FAM184B: variants seen among roughly 807,000 people sequenced by gnomAD.
The protein encoded by FAM184B is protein FAM184B.
A neutral mutation model predicts 135.9 loss-of-function variants in FAM184B; 111 were observed. That is an observed-to-expected ratio of 0.82 (90% CI 0.70 to 0.96). The LOEUF (loss-of-function observed/expected upper bound fraction) is 0.96, where lower values mean the gene tolerates loss of function less well. FAM184B is among the 40% of genes least tolerant of loss of function. The pLI is 0.00. For missense variants in FAM184B, 1,375 were observed against 1,323.9 expected (o/e 1.04, Z -0.60); for synonymous variants, 552 against 524.8 (o/e 1.05, Z -0.71).
intron 1 of FAM184B, 41 bp from the exon 2 acceptor site, chr4:17,709,685 T>G (rs1362027532): frequency 4.1e-6 from 6 of 1,448,496 alleles, no homozygotes; most frequent in Admixed American, 2.7e-5. Flanking sequence ...GTGAGGGGGC[T>G]GGGGTGTGGG....
At chr4:17,763,920 A>G (rs1259869915) in intron 1 of FAM184B, among the ~76,000 whole-genome samples, 1 of 152,126 alleles carries the variant, frequency 6.6e-6, no homozygotes, top group Non-Finnish European at 1.5e-5. Context: ...TTTTGGATCT[A>G]GCTTGGCCTT....
At chr4:17,768,379 A>G (rs2108996309) in intron 1 of FAM184B, among the ~76,000 whole-genome samples, 1 of 152,210 alleles carries the variant, frequency 6.6e-6, no homozygotes, top group African/African-American at 2.4e-5. Context: ...AGTTCAAGCA[A>G]TTCTCCTGCT....
At chr4:17,696,705 C>T (rs1716871718) in intron 5 of FAM184B, among the ~76,000 whole-genome samples, 1 of 151,982 alleles carries the variant, frequency 6.6e-6, no homozygotes, top group South Asian at 2.1e-4. Flanking sequence ...CTTAGCTACT[C>T]AGGGGGCCGA....
intron 3 of FAM184B, among the ~76,000 whole-genome samples, chr4:17,706,869 T>C (rs1304189762): frequency 6.6e-6 from 1 of 152,032 alleles, no homozygotes; most frequent in African/African-American, 2.4e-5. Context: ...CACTGCAACC[T>C]CTGCCTCCAG....
chr4:17,762,010 G>C (rs1718558153), intron 1 of FAM184B, among the ~76,000 whole-genome samples: 1 of 148,232 alleles, frequency 6.7e-6, no homozygotes, highest in African/African-American at 2.7e-5. Flanking sequence ...GCAATCCCCA[G>C]GGCTCTTCAT....
At chr4:17,742,975 T>A (rs1197015286) in intron 1 of FAM184B, among the ~76,000 whole-genome samples, 1 of 152,204 alleles carries the variant, frequency 6.6e-6, no homozygotes, top group Non-Finnish European at 1.5e-5. Context: ...GGAGCTGCTG[T>A]GGAGCCCCAC....
intron 1 of FAM184B, among the ~76,000 whole-genome samples, chr4:17,733,031 C>T (rs1717822973): frequency 1.3e-5 from 2 of 152,150 alleles, no homozygotes; most frequent in Admixed American, 6.5e-5. Context: ...GCTGGTTCAA[C>T]ATATGCAAAT....
chr4:17,636,188 C>CT (rs1657510071), intron 15 of FAM184B, among the ~76,000 whole-genome samples: 1 of 152,154 alleles, frequency 6.6e-6, no homozygotes, highest in African/African-American at 2.4e-5. Context: ...TCACTGCAAC[C>CT]TCTGTCTCTC....
chr4:17,725,030 G>A (rs555216310), intron 1 of FAM184B, among the ~76,000 whole-genome samples: 1 of 152,254 alleles, frequency 6.6e-6, no homozygotes, highest in Admixed American at 6.5e-5. Flanking sequence ...TGAGGGTAGG[G>A]CCTGGTCTCT....
intron 1 of FAM184B, among the ~76,000 whole-genome samples, chr4:17,713,935 G>A (rs192574568): frequency 9.2e-5 from 14 of 152,256 alleles, no homozygotes; most frequent in Admixed American, 7.8e-4. Context: ...TACTACGAGA[G>A]GATTTGTCAC....
chr4:17,781,471 G>GGCCCACCCGCGC lies in FAM184B; in HGVS notation c.-184_-173dup, dbSNP rs1577301098. 56 of 773,544 alleles carry GGCCCACCCGCGC rather than the reference G, an allele frequency of 7.2e-5. No individual in the cohort carries two copies. The East Asian group carries it at 1.9e-3, about 26-fold the overall frequency. 47.9% of individuals were successfully genotyped at this position (773,544 alleles called of 1,614,324 possible). A position where few individuals can be genotyped will look rare whatever the true frequency, so the allele number is the denominator to read the frequency against. On this transcript the variant is annotated 5_prime_UTR_variant, in exon 1 of 18. Transcript: ENST00000265018. This position sits in a 1 kb window ranked among gnomAD's most constrained non-coding sequence, Gnocchi z 6.5. ...GCTTCCCGAAGGTCTCCGCCTCCCG[G>GGCCCACCCGCGC]GCCCACCCGCGCGCCCACCCTTTTT...
At chr4:17,748,772 C>G (rs994360108) in intron 1 of FAM184B, among the ~76,000 whole-genome samples, 2 of 152,018 alleles carry the variant, frequency 1.3e-5, no homozygotes, top group African/African-American at 4.8e-5. Context: ...CTGCCTTGGC[C>G]TCCCAAAGTG....
intron 1 of FAM184B, among the ~76,000 whole-genome samples, chr4:17,723,840 G>A (rs1306127039): frequency 6.6e-6 from 1 of 152,144 alleles, no homozygotes; most frequent in Non-Finnish European, 1.5e-5. Flanking sequence ...TCGAATTCAA[G>A]AGCTCATTTC....
chr4:17,740,050 C>G (rs1717997207), intron 1 of FAM184B, among the ~76,000 whole-genome samples: 1 of 152,008 alleles, frequency 6.6e-6, no homozygotes, highest in Non-Finnish European at 1.5e-5. Flanking sequence ...AAAACAGGCA[C>G]TCATAAAAAA....
chr4:17,720,374 C>T (rs1242478555), intron 1 of FAM184B, among the ~76,000 whole-genome samples: 1 of 152,106 alleles, frequency 6.6e-6, no homozygotes, highest in Non-Finnish European at 1.5e-5. Flanking sequence ...ATTTTAGAAT[C>T]AACAAATAAG....
intron 8 of FAM184B, among the ~76,000 whole-genome samples, chr4:17,663,026 T>A (rs917629729): frequency 1.3e-5 from 2 of 152,110 alleles, no homozygotes; most frequent in Non-Finnish European, 1.5e-5. Context: ...GCCTCAACCT[T>A]CCAGGCTCAA....
chr4:17,775,178 TTTTAA>T lies in FAM184B; in HGVS notation c.141+5976_141+5980del, dbSNP rs370525196. ...TGCCCAGCTAATTTTTGTATTTTAA[TTTTAA>T]TTTAATTTAATTTTATTTTTGAAAT... On this transcript the variant is annotated intron_variant, in intron 1 of 17. Transcript: ENST00000265018. Among the ~76,000 whole-genome samples the T allele has an allele frequency of 2.0e-4, 30 of 151,352 alleles. No homozygotes were observed. The East Asian group carries it at 4.5e-3, about 23-fold the overall frequency.
chr4:17,757,979 T>A (rs1472820595), intron 1 of FAM184B, among the ~76,000 whole-genome samples: 1 of 152,162 alleles, frequency 6.6e-6, no homozygotes, highest in Non-Finnish European at 1.5e-5. Flanking sequence ...ATTACAAATA[T>A]CCAACTGCCT....
chr4:17,770,320 G>A (rs1372773146), intron 1 of FAM184B, among the ~76,000 whole-genome samples: 1 of 152,232 alleles, frequency 6.6e-6, no homozygotes, highest in Non-Finnish European at 1.5e-5. Context: ...TCATAGCAGG[G>A]GTTGGTGGCC....
Sources: gnomAD v4.1 joint callset for allele counts (sites outside exome capture counted in the v4.1 genomes callset) on GRCh38, gnomAD v4.1.1 for gene constraint, Gnocchi (gnomAD v3.1) non-coding constraint, MANE v1.5 for transcripts, NCBI Gene and HGNC (gene_info 2026-07-23, HGNC 2026-07-21) for gene names.